ADGRL2: variants seen among roughly 807,000 people sequenced by gnomAD.
ADGRL2 encodes adhesion G protein-coupled receptor L2.
Under a neutral mutation model 157.4 loss-of-function variants are expected in ADGRL2, and 44 were observed. The ratio of observed to expected loss-of-function variants is 0.28; its 90% confidence interval spans 0.22 to 0.36. The LOEUF (loss-of-function observed/expected upper bound fraction) is 0.36. Ranked by LOEUF, ADGRL2 falls within the 10% of genes least tolerant of loss-of-function variation. ADGRL2 has a pLI of 1.00. For synonymous variants in ADGRL2, 585 were observed against 624.7 expected (o/e 0.94, Z 0.95); for missense variants, 1,510 against 1,768.9 (o/e 0.85, Z 2.63).
intron 2 of ADGRL2, among the ~76,000 whole-genome samples, chr1:81,496,757 G>T (rs889209867): frequency 1.9e-4 from 29 of 151,980 alleles, no homozygotes; most frequent in Non-Finnish European, 1.0e-4. Context: ...TTAGAAATGA[G>T]CTTAATGAAT....
intron 2 of ADGRL2, among the ~76,000 whole-genome samples, chr1:81,488,858 C>T (rs1324129567): frequency 6.6e-6 from 1 of 151,720 alleles, no homozygotes; most frequent in African/African-American, 2.4e-5. Flanking sequence ...AAAATAGCAC[C>T]TTAAAGATAT....
intron 3 of ADGRL2, among the ~76,000 whole-genome samples, chr1:81,630,717 T>C (rs545681496): frequency 6.6e-6 from 1 of 152,270 alleles, no homozygotes; most frequent in South Asian, 2.1e-4. Flanking sequence ...AATATACCAA[T>C]ATTTTTCAAA....
At chr1:81,787,472 T>A (rs1291590373) in intron 2 of ADGRL2, among the ~76,000 whole-genome samples, 3 of 151,844 alleles carry the variant, frequency 2.0e-5, no homozygotes, top group African/African-American at 7.3e-5. Flanking sequence ...CTGGACAGCA[T>A]GGTGAAACCC....
intron 3 of ADGRL2, among the ~76,000 whole-genome samples, chr1:81,691,353 G>A (rs2083329559): frequency 6.6e-6 from 1 of 150,812 alleles, no homozygotes; most frequent in Non-Finnish European, 1.5e-5. Flanking sequence ...CTATAAATTG[G>A]TTAAAGATAA....
intron 3 of ADGRL2, among the ~76,000 whole-genome samples, chr1:81,611,343 G>C (rs937730801): frequency 2.6e-5 from 4 of 152,110 alleles, no homozygotes; most frequent in Admixed American, 6.5e-5. Context: ...GGAAGTCTCA[G>C]TTCTCTCATT....
intron 1 of ADGRL2, among the ~76,000 whole-genome samples, chr1:81,816,029 A>G (rs2090369345): frequency 6.6e-6 from 1 of 151,840 alleles, no homozygotes; most frequent in African/African-American, 2.4e-5. Context: ...TTAGAACAAT[A>G]CTAAATTGAA....
chr1:81,503,136 G>A, intron 2 of ADGRL2: 1 of 1,613,962 alleles, frequency 6.2e-7, no homozygotes, highest in South Asian at 1.1e-5. Flanking sequence ...GCCTGGTGCA[G>A]CAGGCCTTCC....
chr1:81,754,680 CCCTTCCTCCCTCCCTT>C (rs2085621304), intron 1 of ADGRL2, among the ~76,000 whole-genome samples: 1 of 146,836 alleles, frequency 6.8e-6, no homozygotes, highest in African/African-American at 2.6e-5. Context: ...CTCCTTTCCT[CCCTTCCTCCCTCCCTT>C]CCTTCCTTCC....
chr1:81,750,523 C>T (rs1299415902), intron 1 of ADGRL2, among the ~76,000 whole-genome samples: 2 of 152,116 alleles, frequency 1.3e-5, no homozygotes, highest in Admixed American at 1.3e-4. Flanking sequence ...TCAAGACCAG[C>T]CTAGCCAAGA....
At chr1:81,580,634 C>T (rs756379401) in intron 2 of ADGRL2, among the ~76,000 whole-genome samples, 1 of 152,128 alleles carries the variant, frequency 6.6e-6, no homozygotes, top group Non-Finnish European at 1.5e-5. Context: ...GGCTTACAGA[C>T]ATAGAAGCCC....
chr1:81,981,705 A>G (rs1661717267), intron 18 of ADGRL2, 103 bp from the exon 19 acceptor site: 2 of 899,354 alleles, frequency 2.2e-6, no homozygotes, highest in East Asian at 4.8e-5. Context: ...ATGAATGTGA[A>G]CATAGAGAAA....
chr1:81,493,900 G>A (rs987343733), intron 2 of ADGRL2, among the ~76,000 whole-genome samples: 4 of 152,086 alleles, frequency 2.6e-5, no homozygotes, highest in Non-Finnish European at 2.9e-5. Context: ...TATTTAAAAC[G>A]TGGGGACAGC....
chr1:81,374,369 C>A (rs750861822), intron 1 of ADGRL2, among the ~76,000 whole-genome samples: 3 of 151,962 alleles, frequency 2.0e-5, no homozygotes, highest in African/African-American at 7.2e-5. Context: ...GTCAGGAGTT[C>A]GAGACCAGCC....
intron 2 of ADGRL2, among the ~76,000 whole-genome samples, chr1:81,464,933 GAA>G (rs199573052): frequency 3.6e-5 from 5 of 138,784 alleles, no homozygotes; most frequent in Non-Finnish European, 3.1e-5. Flanking sequence ...CCACCAGGGA[GAA>G]AAAAAAAAAA....
At chr1:81,334,747 A>G (rs1304566652) in intron 1 of ADGRL2, among the ~76,000 whole-genome samples, 1 of 152,214 alleles carries the variant, frequency 6.6e-6, no homozygotes, top group Non-Finnish European at 1.5e-5. Flanking sequence ...ACTTGTAAAA[A>G]GTAGTTGCTC....
intron 2 of ADGRL2, among the ~76,000 whole-genome samples, chr1:81,570,985 T>C (rs1328760022): frequency 6.6e-6 from 1 of 152,122 alleles, no homozygotes; most frequent in East Asian, 1.9e-4. Context: ...CAATATTAAG[T>C]GAATAGGCAT....
intron 2 of ADGRL2, among the ~76,000 whole-genome samples, chr1:81,549,434 C>T (rs1324842535): frequency 1.3e-5 from 2 of 152,172 alleles, no homozygotes; most frequent in African/African-American, 4.8e-5. Context: ...AGATTTCTCA[C>T]CTGCAGATGT....
intron 2 of ADGRL2, among the ~76,000 whole-genome samples, chr1:81,493,458 G>A (rs540347869): frequency 1.8e-4 from 28 of 152,170 alleles, no homozygotes; most frequent in Admixed American, 5.2e-4. Context: ...ATTAAGATAC[G>A]CTTGTGCTCT....
intron 1 of ADGRL2, among the ~76,000 whole-genome samples, chr1:81,832,540 G>A (rs1042723057): frequency 3.3e-5 from 5 of 152,170 alleles, no homozygotes; most frequent in South Asian, 2.1e-4. Context: ...CTATGTCTGC[G>A]AAACGAAGAA....
Sources: allele counts gnomAD v4.1 joint callset (sites outside exome capture counted in the v4.1 genomes callset), GRCh38; gene constraint gnomAD v4.1.1; transcripts MANE v1.5; gene names NCBI Gene and HGNC (gene_info 2026-07-23, HGNC 2026-07-21).